CAVIN3: variants seen among roughly 807,000 people sequenced by gnomAD.
CAVIN3 encodes caveolae-associated protein 3.
Under a neutral mutation model 8.2 loss-of-function variants are expected in CAVIN3, and 11 were observed. The observed-to-expected ratio is 1.35, with a 90% CI of 0.85 to 2.23. The LOEUF is 2.23. CAVIN3 is among the 30% of genes most tolerant of loss of function. The pLI is 0.00. For synonymous variants in CAVIN3, 191 were observed against 166.3 expected, an observed-to-expected ratio of 1.15 and a Z score of -1.14; for missense variants, 401 against 359.5, an observed-to-expected ratio of 1.12 and a Z score of -0.93.
rs762594045 is a variant in CAVIN3 at position 6,320,495 on chromosome 11, T to A, written c.-19A>T. On this transcript the variant is annotated 5_prime_UTR_variant, in exon 1 of 2. Transcript: ENST00000303927. ...CCCTCATGATCCCTGACCGCTCTGCTCCGTCTGCCTGCAACTGCTGGCCGC... is the reference window on the plus strand; with the variant it reads ...CCCTCATGATCCCTGACCGCTCTGCACCGTCTGCCTGCAACTGCTGGCCGC... 1.4e-6 allele frequency: 2 copies of A among 1,477,058 alleles called. No individual in the cohort carries two copies. The highest frequency in any genetic ancestry group is 2.4e-5 in the Admixed American group (1 of 41,690). 91.5% of individuals were successfully genotyped at this position (1,477,058 alleles called of 1,614,324 possible). A position where few individuals can be genotyped will look rare whatever the true frequency, so the allele number is the denominator to read the frequency against.
chr11:6,320,093 C>T lies in CAVIN3; in HGVS notation c.384G>A (p.Lys128=), dbSNP rs893086711. ...ARGKLHVLLF[K]EEGEVPASAF... ...TTGGGGACCGTTTGAGGTCACTGAC[C>T]TTGAAGAGCAGAACGTGGAGCTTCC... Residue 128 remains lysine, a splice_region_variant and synonymous_variant, in exon 1 of 2, where the codon AAG becomes AAA. Coordinates refer to ENST00000303927, the MANE Select transcript of CAVIN3 (RefSeq NM_145040.3). The T allele has an allele frequency of 6.3e-7, 1 of 1,588,180 alleles. No individual in the cohort carries two copies. The highest frequency in any genetic ancestry group is 8.5e-7 in the Non-Finnish European group (1 of 1,175,568).
chr11:6,320,405 C>A lies in CAVIN3; in HGVS notation c.72G>T (p.Thr24=), dbSNP rs574248379. The change falls in exon 1 of 2, where the codon ACG becomes ACT. Residue 24 remains threonine (T), a synonymous_variant. Coordinates refer to ENST00000303927, the MANE Select transcript of CAVIN3 (RefSeq NM_145040.3). The stretch of plus-strand genomic sequence containing the variant: ...CCAGCTTCTCCAGCAGGGTCACCAC[C>A]GTCACGGCGTGCACGGGACCCCCCG... ...APAGGPVHAV[T]VVTLLEKLAS... 4 of 1,574,450 alleles carry A rather than the reference C, an allele frequency of 2.5e-6. No individual in the cohort carries two copies. The highest frequency in any genetic ancestry group is 1.9e-4 in the Middle Eastern group (1 of 5,346).
At position 6,319,874 on chromosome 11, in the gene CAVIN3, G is replaced by A. The variant is rs1032895923; in HGVS notation, c.384+219C>T. On this transcript the variant is annotated intron_variant, in intron 1 of 1. Coordinates refer to ENST00000303927, the MANE Select transcript of CAVIN3 (RefSeq NM_145040.3). ...GCGGACGTGGCCTGAGCTAGAGCTG[G>A]GCGGGCTTGGATTGGCCAGGCGGGG... 3 of 675,128 alleles carry A rather than the reference G, an allele frequency of 4.4e-6. No individual in the cohort carries two copies. The Admixed American group carries it at 8.0e-5, about 18-fold the overall frequency. The allele number at this position is 675,128 out of a possible 1,614,324, so 41.8% of individuals were successfully genotyped here. A position where few individuals can be genotyped will look rare whatever the true frequency, so the allele number is the denominator to read the frequency against.
Position 6,320,236 on chromosome 11 carries a change from G to T in CAVIN3, c.241C>A (p.Leu81Met). The change falls in exon 1 of 2, where the codon CTG becomes ATG. Residue 81 changes from leucine to methionine, a missense_variant. Physicochemically the swap from Leu to Met is conservative, Grantham distance 15 (BLOSUM62 2). Transcript: ENST00000303927. Reference sequence around the variant, plus strand: ...CTCACGCGCTCCGCCTTGGCCAGCAGCTGCGCCAAGGTGTTGCTGGTGGTG... The same window carrying T: ...CTCACGCGCTCCGCCTTGGCCAGCATCTGCGCCAAGGTGTTGCTGGTGGTG... ...HDTTSNTLAQ[L>M]LAKAERVSSH... 6.4e-7 allele frequency: 1 copy of T among 1,564,158 alleles called. No homozygotes were observed. Among genetic ancestry groups the T allele is most frequent in the East Asian group, 2.3e-5 (1 of 42,604 alleles).
rs773648400 is a variant in CAVIN3, at chr11:6,320,469, T to C, written c.8A>G (p.Glu3Gly). MR[E>G]SALERGPVPE... ...CACAGGCCCCCGCTCCAACGCACTC[T>C]CCCTCATGATCCCTGACCGCTCTGC... Residue 3 changes from glutamate to glycine, a missense_variant, in exon 1 of 2, where the codon GAG (glutamate) becomes GGG (glycine). Physicochemically the swap from Glu to Gly is moderately conservative, Grantham distance 98. Coordinates refer to ENST00000303927, the MANE Select transcript of CAVIN3 (RefSeq NM_145040.3). 5.3e-6 allele frequency: 8 copies of C among 1,515,196 alleles called. No homozygotes were observed. Among genetic ancestry groups the C allele is most frequent in the East Asian group, 2.4e-5 (1 of 42,032 alleles). 93.9% of individuals were successfully genotyped at this position (1,515,196 alleles called of 1,614,324 possible). A position where few individuals can be genotyped will look rare whatever the true frequency, so the allele number is the denominator to read the frequency against.
Position 6,320,366 on chromosome 11 carries a change from C to T in CAVIN3, c.111G>A (p.Glu37=). 12 of 1,585,652 alleles carry T rather than the reference C, an allele frequency of 7.6e-6. No homozygotes were observed. Among genetic ancestry groups the T allele is most frequent in the Non-Finnish European group, 1.0e-5 (12 of 1,173,544 alleles). ...GGCCTCCCTGCCGCTCCCGCAGAGT[C>T]TCCAGCATGGAGGCCAGCTTCTCCA... The part of the protein sequence containing the change: ...TLLEKLASML[E]TLRERQGGLA... Residue 37 remains glutamate (E), a synonymous_variant, in exon 1 of 2, where the codon GAG becomes GAA. Coordinates refer to ENST00000303927, the MANE Select transcript of CAVIN3 (RefSeq NM_145040.3).
At chr11:6,319,674 G>A in intron 1 of CAVIN3, 110 bp from the exon 2 acceptor site, 30 of 1,347,260 alleles carry the variant, frequency 2.2e-5, no homozygotes, top group Non-Finnish European at 3.1e-5. Flanking sequence ...GCCAGAGTCT[G>A]GGGGGAAAGG....
rs1846762272 is a variant in CAVIN3 at position 6,319,069 on chromosome 11, G to GGA, written c.*92_*93dup. On this transcript the variant is annotated 3_prime_UTR_variant, in exon 2 of 2. Transcript: ENST00000303927. The stretch of plus-strand genomic sequence containing the variant: ...CAGAGCGCCCGCCTTGGTGGATGTA[G>GGA]GATTCGCTCCTTATTAGGGCGTGAG... 2.2e-6 allele frequency: 3 copies of GGA among 1,343,912 alleles called. No homozygotes were observed. The East Asian group carries it at 7.5e-5, about 34-fold the overall frequency. 83.2% of individuals were successfully genotyped at this position (1,343,912 alleles called of 1,614,324 possible).
In CAVIN3 at chr11:6,320,493, G is replaced by C; in HGVS notation, c.-17C>G. 1 of 1,478,748 alleles carries C rather than the reference G, an allele frequency of 6.8e-7. No individual in the cohort carries two copies. The highest frequency in any genetic ancestry group is 8.9e-7 in the Non-Finnish European group (1 of 1,122,974). 91.6% of individuals were successfully genotyped at this position (1,478,748 alleles called of 1,614,324 possible). A position where few individuals can be genotyped will look rare whatever the true frequency, so the allele number is the denominator to read the frequency against. On this transcript the variant is annotated 5_prime_UTR_variant, in exon 1 of 2. Coordinates refer to ENST00000303927, the MANE Select transcript of CAVIN3 (RefSeq NM_145040.3). ...CTCCCTCATGATCCCTGACCGCTCT[G>C]CTCCGTCTGCCTGCAACTGCTGGCC...
chr11:6,319,737 G>A, intron 1 of CAVIN3, 173 bp from the exon 2 acceptor site: 1 of 830,290 alleles, frequency 1.2e-6, no homozygotes, highest in Non-Finnish European at 2.0e-6. Context: ...GCAAAACGCT[G>A]TAAAGTAGGT....
intron 1 of CAVIN3, 36 bp from the exon 2 acceptor site, chr11:6,319,600 T>G (rs1273574563): frequency 1.3e-6 from 2 of 1,545,532 alleles, no homozygotes; most frequent in Admixed American, 3.9e-5. Context: ...TCCTGGCAGC[T>G]CCTTACCCCC....
intron 1 of CAVIN3, 62 bp from the exon 2 acceptor site, chr11:6,319,626 A>C: frequency 3.9e-6 from 6 of 1,519,050 alleles, no homozygotes; most frequent in Non-Finnish European, 5.3e-6. Context: ...CCCGAAACTC[A>C]CTCCTTAATT....
Position 6,319,149 on chromosome 11 carries a change from G to A in CAVIN3, c.*14C>T, listed in dbSNP as rs1190025404. 6.6e-7 allele frequency: 1 copy of A among 1,512,324 alleles called. No homozygotes were observed. Among genetic ancestry groups the A allele is most frequent in the Non-Finnish European group, 8.8e-7 (1 of 1,131,594 alleles). 93.7% of individuals were successfully genotyped at this position (1,512,324 alleles called of 1,614,324 possible). On this transcript the variant is annotated 3_prime_UTR_variant, in exon 2 of 2. Transcript: ENST00000303927. ...ACAAGGCACAAGCACAGGGGAGGCAGGCAACACCAGCCCTCAGGCTACACT... is the reference window on the plus strand; with the variant it reads ...ACAAGGCACAAGCACAGGGGAGGCAAGCAACACCAGCCCTCAGGCTACACT...
At position 6,320,271 on chromosome 11, in the gene CAVIN3, C is replaced by A. The variant is rs892950921; in HGVS notation, c.206G>T (p.Arg69Leu). Residue 69 changes from arginine (R) to leucine (L), a missense_variant, in exon 1 of 2, where the codon CGC becomes CTC. Arg to Leu is a moderately radical substitution (Grantham distance 102). Transcript: ENST00000303927. The part of the protein sequence containing the change: ...RIQSGLGALS[R>L]SHDTTSNTLA... ...GGTGTTGCTGGTGGTGTCGTGGCTG[C>A]GACTCAGAGCGCCCAGGCCGCTCTG... is the stretch of plus-strand genomic sequence containing the variant. 1.9e-6 allele frequency: 3 copies of A among 1,564,480 alleles called. No homozygotes were observed. The highest frequency in any genetic ancestry group is 2.6e-6 in the Non-Finnish European group (3 of 1,162,316).
Position 6,319,139 on chromosome 11 carries a change from A to C in CAVIN3, c.*24T>G. 6.6e-7 allele frequency: 1 copy of C among 1,509,930 alleles called. No homozygotes were observed. The highest frequency in any genetic ancestry group is 1.4e-5 in the African/African-American group (1 of 71,322). 93.5% of individuals were successfully genotyped at this position (1,509,930 alleles called of 1,614,324 possible). Reference sequence around the variant, plus strand: ...TTATTTTGGGACAAGGCACAAGCACAGGGGAGGCAGGCAACACCAGCCCTC... The same window carrying C: ...TTATTTTGGGACAAGGCACAAGCACCGGGGAGGCAGGCAACACCAGCCCTC... On this transcript the variant is annotated 3_prime_UTR_variant, in exon 2 of 2. Transcript: ENST00000303927.
Position 6,319,508 on chromosome 11 carries a change from CG to C in CAVIN3, c.440del (p.Pro147ArgfsTer114). On this transcript the variant is annotated frameshift_variant, in exon 2 of 2. Transcript: ENST00000303927. LOFTEE classifies it low-confidence loss of function (END_TRUNC). ...CTGGGCCCAGCTCGGACTGGTCCGC[CG>C]GGCCCAAGGGCTCTGGTGCCTTCTG... ...AFQKAPEPLG[P>X]ADQSELGPEQ... 1 of 1,598,800 alleles carries C rather than the reference CG, an allele frequency of 6.3e-7. No individual in the cohort carries two copies. Among genetic ancestry groups the C allele is most frequent in the Non-Finnish European group, 8.5e-7 (1 of 1,176,334 alleles).
Position 6,319,463 on chromosome 11 carries a change from A to G in CAVIN3, c.486T>C (p.Val162=). The change falls in exon 2 of 2, where the codon GTT becomes GTC. Residue 162 remains valine, a synonymous_variant. Coordinates refer to ENST00000303927, the MANE Select transcript of CAVIN3 (RefSeq NM_145040.3). ...CCGGCTCCTCGTCCGAGCTCTCTCC[A>G]ACTTCGGCCTCCAGCTGCTCTGGGC... ...ELGPEQLEAE[V]GESSDEEPVE... 1.2e-6 allele frequency: 2 copies of G among 1,610,286 alleles called. No individual in the cohort carries two copies. Among genetic ancestry groups the G allele is most frequent in the Non-Finnish European group, 1.7e-6 (2 of 1,179,520 alleles).
chr11:6,319,505 C>T lies in CAVIN3; in HGVS notation c.444G>A (p.Ala148=), dbSNP rs781484761. The change falls in exon 2 of 2, where the codon GCG becomes GCA. Residue 148 remains alanine (A), a synonymous_variant. Coordinates refer to ENST00000303927, the MANE Select transcript of CAVIN3 (RefSeq NM_145040.3). ...GCTCTGGGCCCAGCTCGGACTGGTC[C>T]GCCGGGCCCAAGGGCTCTGGTGCCT... ...FQKAPEPLGP[A]DQSELGPEQL... 3.8e-6 allele frequency: 6 copies of T among 1,599,824 alleles called. No homozygotes were observed. The highest frequency in any genetic ancestry group is 3.4e-6 in the Non-Finnish European group (4 of 1,176,732).
chr11:6,320,082 A>G lies in CAVIN3; in HGVS notation c.384+11T>C. The G allele has an allele frequency of 6.3e-7, 1 of 1,579,246 alleles. No homozygotes were observed. Among genetic ancestry groups the G allele is most frequent in the South Asian group, 1.1e-5 (1 of 87,326 alleles). On this transcript the variant is annotated intron_variant, in intron 1 of 1. Transcript: ENST00000303927. The stretch of plus-strand genomic sequence containing the variant: ...AAGGCCTCGGATTGGGGACCGTTTG[A>G]GGTCACTGACCTTGAAGAGCAGAAC...
Sources: allele counts gnomAD v4.1 joint callset, GRCh38; gene constraint gnomAD v4.1.1; transcripts MANE v1.5; gene names NCBI Gene and HGNC (gene_info 2026-07-23, HGNC 2026-07-21).